OPCML: variants seen among roughly 807,000 people sequenced by gnomAD.
The protein encoded by OPCML is opioid-binding protein/cell adhesion molecule.
Under a neutral mutation model 37.8 loss-of-function variants are expected in OPCML, and 13 were observed. That is an observed-to-expected ratio of 0.34 (90% CI 0.22 to 0.55). The LOEUF is 0.55. Among genes scored for constraint, OPCML ranks in the 20% least tolerant of loss-of-function variants. The pLI is 0.91. For synonymous variants in OPCML, 176 were observed against 168.8 expected, an observed-to-expected ratio of 1.04 and a Z score of -0.33; for missense variants, 341 against 435.6, an observed-to-expected ratio of 0.78 and a Z score of 1.93.
At chr11:132,826,622 C>T (rs1364283266) in intron 2 of OPCML, among the ~76,000 whole-genome samples, 1 of 152,180 alleles carries the variant, frequency 6.6e-6, no homozygotes, top group Non-Finnish European at 1.5e-5. Flanking sequence ...AAAACTGCCT[C>T]AAGGTTTTTT....
chr11:132,790,163 C>A (rs576284367), intron 2 of OPCML, among the ~76,000 whole-genome samples: 1 of 152,268 alleles, frequency 6.6e-6, no homozygotes, highest in African/African-American at 2.4e-5. Flanking sequence ...GCAGCACTAT[C>A]CACAATAAGA....
At chr11:133,113,312 TA>T (rs1243794593) in intron 1 of OPCML, among the ~76,000 whole-genome samples, 6 of 152,190 alleles carry the variant, frequency 3.9e-5, no homozygotes, top group Non-Finnish European at 7.3e-5. Context: ...TTTCAAAAAG[TA>T]CAATTCATTA....
intron 1 of OPCML, among the ~76,000 whole-genome samples, chr11:133,436,322 C>A (rs1176504818): frequency 6.6e-6 from 1 of 152,074 alleles, no homozygotes; most frequent in Non-Finnish European, 1.5e-5. Context: ...TTTGACTTGG[C>A]AAAATGAAAG....
chr11:132,737,852 G>T (rs1238655627), intron 2 of OPCML, among the ~76,000 whole-genome samples: 1 of 152,204 alleles, frequency 6.6e-6, no homozygotes, highest in Admixed American at 6.5e-5. Flanking sequence ...GAGAAAGAGA[G>T]TTGGGCAACC....
chr11:133,060,867 A>G (rs912865405), intron 1 of OPCML, among the ~76,000 whole-genome samples: 50 of 152,350 alleles, frequency 3.3e-4, no homozygotes, highest in Admixed American at 2.0e-3. Flanking sequence ...CAGTGGGCCC[A>G]TTGCCTCCAG....
chr11:132,432,314 G>T (rs2095999795), intron 7 of OPCML, among the ~76,000 whole-genome samples: 1 of 152,224 alleles, frequency 6.6e-6, no homozygotes, highest in Admixed American at 6.5e-5. Flanking sequence ...TGGGGGCATT[G>T]AGGACTAGGA....
chr11:133,502,976 A>G (rs1284158093), intron 1 of OPCML, among the ~76,000 whole-genome samples: 2 of 152,220 alleles, frequency 1.3e-5, no homozygotes, highest in Admixed American at 6.5e-5. Context: ...GTTGTTCAGT[A>G]CAAGATGCAC....
At chr11:132,791,567 T>A (rs1031765938) in intron 2 of OPCML, among the ~76,000 whole-genome samples, 1 of 152,162 alleles carries the variant, frequency 6.6e-6, no homozygotes, top group Non-Finnish European at 1.5e-5. Context: ...CAGCAGCTTA[T>A]AGAGGCTGAC....
chr11:132,921,149 C>G (rs1322954680), intron 2 of OPCML, among the ~76,000 whole-genome samples: 1 of 152,216 alleles, frequency 6.6e-6, no homozygotes, highest in Non-Finnish European at 1.5e-5. Flanking sequence ...CTTTCGACAG[C>G]CTGGAACCCT....
intron 3 of OPCML, among the ~76,000 whole-genome samples, chr11:132,587,561 G>T (rs1225153447): frequency 6.6e-6 from 1 of 152,178 alleles, no homozygotes; most frequent in African/African-American, 2.4e-5. Flanking sequence ...GATGTTGGAG[G>T]AGGACAAAGG....
rs1228217008 is a variant in OPCML, at chr11:133,112,303, AAAAAAAAG to A, written c.62-169301_62-169294del. 1.5e-3 allele frequency among the ~76,000 whole-genome samples: 213 copies of A among 144,022 alleles called. 1 individual carries two copies. Among genetic ancestry groups the A allele is most frequent in the African/African-American group, 4.8e-3 (177 of 36,982 alleles). The allele number at this position is 144,022 out of a possible 152,430, so 94.5% of individuals were successfully genotyped here. On this transcript the variant is annotated intron_variant, in intron 1 of 7. Coordinates refer to ENST00000524381, the MANE Select transcript of OPCML (RefSeq NM_001012393.5). Reference sequence around the variant, plus strand: ...TCTTGGCCAAAAAAAAAAAAAAAAAAAAAAAAAGGGGAAAGAAACAAAATATCTCATAT... The same window carrying A: ...TCTTGGCCAAAAAAAAAAAAAAAAAAGGGAAAGAAACAAAATATCTCATAT...
intron 1 of OPCML, among the ~76,000 whole-genome samples, chr11:133,188,853 C>T (rs1203646480): frequency 1.3e-5 from 2 of 152,164 alleles, no homozygotes; most frequent in Admixed American, 6.5e-5. Context: ...CTGCACCCCA[C>T]ACTTCTCATC....
chr11:133,284,516 A>G (rs1158217572), intron 1 of OPCML, among the ~76,000 whole-genome samples: 22 of 152,228 alleles, frequency 1.4e-4, no homozygotes, highest in Non-Finnish European at 1.5e-5. Context: ...AAGGAGGAAG[A>G]CAGAGATGGG....
chr11:132,733,992 G>A (rs1945170290), intron 2 of OPCML, among the ~76,000 whole-genome samples: 1 of 152,158 alleles, frequency 6.6e-6, no homozygotes, highest in Admixed American at 6.5e-5. Context: ...GTATGACATT[G>A]AGTAAATTAC....
At chr11:132,689,209 A>C (rs1000675473) in intron 2 of OPCML, among the ~76,000 whole-genome samples, 1 of 152,172 alleles carries the variant, frequency 6.6e-6, no homozygotes, top group African/African-American at 2.4e-5. Context: ...TGTCATCTAA[A>C]TTGTGAAGGG....
chr11:132,765,245 G>A (rs1485141610), intron 2 of OPCML, among the ~76,000 whole-genome samples: 1 of 152,220 alleles, frequency 6.6e-6, no homozygotes, highest in Non-Finnish European at 1.5e-5. Context: ...AGTTGCCACA[G>A]GGCTTCAAGA....
At chr11:133,342,632 G>A (rs772228024) in intron 1 of OPCML, among the ~76,000 whole-genome samples, 1 of 152,204 alleles carries the variant, frequency 6.6e-6, no homozygotes, top group Non-Finnish European at 1.5e-5. Flanking sequence ...AGCGTGTGAA[G>A]AGGGAGGGCG....
chr11:133,188,511 A>G (rs1407992053), intron 1 of OPCML, among the ~76,000 whole-genome samples: 1 of 152,218 alleles, frequency 6.6e-6, no homozygotes, highest in Non-Finnish European at 1.5e-5. Context: ...TTCCTCTTCC[A>G]TAGAAAATAG....
At chr11:132,689,280 A>G (rs1241623745) in intron 2 of OPCML, among the ~76,000 whole-genome samples, 1 of 152,228 alleles carries the variant, frequency 6.6e-6, no homozygotes, top group Non-Finnish European at 1.5e-5. Context: ...CTCACTTGGA[A>G]TAAGGCCCTC....
Sources: allele counts gnomAD v4.1 joint callset (sites outside exome capture counted in the v4.1 genomes callset), GRCh38; gene constraint gnomAD v4.1.1; transcripts MANE v1.5; gene names NCBI Gene and HGNC (gene_info 2026-07-23, HGNC 2026-07-21).